ZNF165: variants seen among roughly 807,000 people sequenced by gnomAD.
ZNF165 encodes cancer/testis antigen 53.
A neutral mutation model predicts 19.6 loss-of-function variants in ZNF165; 14 were observed. That is an observed-to-expected ratio of 0.71 (90% CI 0.47 to 1.12). The LOEUF is 1.12. Ranked by LOEUF, ZNF165 falls within the 50% of genes most tolerant of loss-of-function variation. The pLI, the probability that ZNF165 is intolerant of heterozygous loss-of-function variation, is 0.00. For synonymous variants in ZNF165, 165 were observed against 195.0 expected, an observed-to-expected ratio of 0.85 and a Z score of 1.28; for missense variants, 504 against 566.3, an observed-to-expected ratio of 0.89 and a Z score of 1.12.
Position 28,086,227 on chromosome 6 carries a change from G to C in ZNF165, c.467G>C (p.Gly156Ala), listed in dbSNP as rs573432778. 6.2e-7 allele frequency: 1 copy of C among 1,614,126 alleles called. No individual in the cohort carries two copies. The highest frequency in any genetic ancestry group is 2.2e-5 in the East Asian group (1 of 44,868). ...TTCCAGAAAAAAGTGTCACCTCCTGGACCAGCACTTAATGTCAAGTTACAG... is the reference window on the plus strand; with the variant it reads ...TTCCAGAAAAAAGTGTCACCTCCTGCACCAGCACTTAATGTCAAGTTACAG... Reference protein sequence around the residue: ...EIFQKKVSPPGPALNVKLQPV... With the variant: ...EIFQKKVSPPAPALNVKLQPV... Residue 156 changes from glycine (G) to alanine (A), a missense_variant, in exon 3 of 4, where the codon GGA (glycine) becomes GCA (alanine). By Grantham distance (60) the Gly-to-Ala change is moderately conservative. Coordinates refer to ENST00000683778, the MANE Select transcript of ZNF165 (RefSeq NM_001376491.1).
rs980094910 is a variant in ZNF165, at chr6:28,085,743, T to A, written c.263T>A (p.Ile88Asn). The change falls in exon 2 of 4, where the codon ATT becomes AAT. Residue 88 changes from isoleucine (I) to asparagine (N), a missense_variant. Ile to Asn is a moderately radical substitution (Grantham distance 149). Transcript: ENST00000683778. ...LKPEIHTKEQ[I>N]LELLVLEQFL... is the part of the protein sequence containing the mutation. ...CCAGAGATCCATACCAAGGAACAGA[T>A]TCTGGAACTGCTGGTGCTAGAGCAG... 3.2e-5 allele frequency: 52 copies of A among 1,613,704 alleles called. No individual in the cohort carries two copies. Among genetic ancestry groups the A allele is most frequent in the Non-Finnish European group, 4.2e-5 (49 of 1,180,034 alleles).
chr6:28,089,535 T>C lies in ZNF165; in HGVS notation c.*65T>C. The C allele has an allele frequency of 3.5e-6, 5 of 1,422,452 alleles. No individual in the cohort carries two copies. The highest frequency in any genetic ancestry group is 4.6e-6 in the Non-Finnish European group (5 of 1,079,286). The allele number at this position is 1,422,452 out of a possible 1,614,324, so 88.1% of individuals were successfully genotyped here. ...AATATGAAAAATATTAAATAAAAAA[T>C]AAATATTGGGCAAGATGGAAGACTG... On this transcript the variant is annotated 3_prime_UTR_variant, in exon 4 of 4. Transcript: ENST00000683778.
chr6:28,082,416 C>A (rs1392865661), intron 1 of ZNF165, among the ~76,000 whole-genome samples: 2 of 152,166 alleles, frequency 1.3e-5, no homozygotes, highest in Non-Finnish European at 2.9e-5. Context: ...TCACAGCCTT[C>A]AGAGCTGAGA....
At chr6:28,081,708 A>T (rs533062847) in intron 1 of ZNF165, among the ~76,000 whole-genome samples, 4 of 151,550 alleles carry the variant, frequency 2.6e-5, no homozygotes, top group Non-Finnish European at 2.9e-5. Context: ...TTTAACCTCC[A>T]ACTTTCTCAT....
At position 28,085,650 on chromosome 6, in the gene ZNF165, A is replaced by G; in HGVS notation, c.170A>G (p.Tyr57Cys). ...LCRQLFRQFC[Y>C]QDSPGPREAL... is the part of the protein sequence containing the mutation. ...AGGCAGCTTTTTAGGCAGTTCTGCT[A>G]CCAGGATTCTCCTGGACCTCGCGAG... The change falls in exon 2 of 4, where the codon TAC becomes TGC. Residue 57 changes from tyrosine to cysteine, a missense_variant. Transcript: ENST00000683778. The G allele has an allele frequency of 2.5e-6, 4 of 1,614,210 alleles. No homozygotes were observed. In the South Asian group the frequency reaches 3.3e-5, roughly 13 times the overall value.
intron 1 of ZNF165, among the ~76,000 whole-genome samples, chr6:28,084,623 C>T (rs1764229105): frequency 6.6e-6 from 1 of 152,148 alleles, no homozygotes; most frequent in South Asian, 2.1e-4. Flanking sequence ...CGCGCCATTG[C>T]ACTCCAGCCT....
In ZNF165 at chr6:28,085,572, A is replaced by T; in HGVS notation, c.92A>T (p.His31Leu). Residue 31 changes from histidine to leucine, a missense_variant, in exon 2 of 4, where the codon CAT (histidine) becomes CTT (leucine). Physicochemically the swap from His to Leu is moderately conservative, Grantham distance 99. Transcript: ENST00000683778. ...IVKIEEEEFI[H>L]GQDTCLQRSE... ...AAGATAGAAGAGGAAGAATTTATCC[A>T]TGGGCAGGACACTTGCTTACAGAGA... 4 of 1,614,262 alleles carry T rather than the reference A, an allele frequency of 2.5e-6. No individual in the cohort carries two copies. Among genetic ancestry groups the T allele is most frequent in the Non-Finnish European group, 3.4e-6 (4 of 1,180,044 alleles).
At chr6:28,080,543 A>ATTTTTTTTTTTTTTTT (rs34237199), upstream of ZNF165, 1 of 111,894 alleles carries the variant, frequency 8.9e-6, no homozygotes, top group Non-Finnish European at 1.8e-5. Context: ...ACGCCCGGCA[A>ATTTTTTTTTTTTTTTT]TTTTTTTTTT....
chr6:28,084,108 A>C (rs1764216431), intron 1 of ZNF165, among the ~76,000 whole-genome samples: 1 of 152,182 alleles, frequency 6.6e-6, no homozygotes, highest in Non-Finnish European at 1.5e-5. Flanking sequence ...TTTTCCAGGC[A>C]TATACTATAC....
At chr6:28,083,933 G>A (rs1170038814) in intron 1 of ZNF165, among the ~76,000 whole-genome samples, 1 of 152,068 alleles carries the variant, frequency 6.6e-6, no homozygotes, top group Non-Finnish European at 1.5e-5. Flanking sequence ...CATGTGAAAC[G>A]TTTTCTCATT....
chr6:28,080,726 A>AGCAAGACACACTAC lies in ZNF165; in HGVS notation c.-245_-244insGCAAGACACACTAC, dbSNP rs1764131776. ...TTTCTTTTCAGGAGTCCCTTCTGTT[A>AGCAAGACACACTAC]TTTAGCAAGACACACTACTACAATG... On this transcript the variant is annotated 5_prime_UTR_variant, in exon 1 of 4. Coordinates refer to ENST00000683778, the MANE Select transcript of ZNF165 (RefSeq NM_001376491.1). The AGCAAGACACACTAC allele has an allele frequency of 6.6e-6, 1 of 151,946 alleles. No homozygotes were observed. Among genetic ancestry groups the AGCAAGACACACTAC allele is most frequent in the African/African-American group, 2.4e-5 (1 of 41,342 alleles). The allele number at this position is 151,946 out of a possible 1,614,324, so 9.4% of individuals were successfully genotyped here. A position where few individuals can be genotyped will look rare whatever the true frequency, so the allele number is the denominator to read the frequency against.
chr6:28,086,291 C>G lies in ZNF165; in HGVS notation c.531C>G (p.Pro177=). ...AGGCCCATTTTGATTCATCAGAACC[C>G]CAGCTCCTATGGGACTGTGGTGAGG... ...ETKAHFDSSE[P]QLLWDCDNES... is the part of the protein sequence containing the mutation. Residue 177 remains proline (P), a synonymous_variant, in exon 3 of 4, where the codon CCC becomes CCG. Coordinates refer to ENST00000683778, the MANE Select transcript of ZNF165 (RefSeq NM_001376491.1). 3 of 1,614,112 alleles carry G rather than the reference C, an allele frequency of 1.9e-6. No homozygotes were observed. The highest frequency in any genetic ancestry group is 1.7e-6 in the Non-Finnish European group (2 of 1,179,988).
intron 1 of ZNF165, among the ~76,000 whole-genome samples, chr6:28,082,464 C>A (rs887417685): frequency 6.6e-6 from 1 of 152,182 alleles, no homozygotes; most frequent in Non-Finnish European, 1.5e-5. Context: ...TTATTGACAG[C>A]AAGCCAGTGA....
In ZNF165 at chr6:28,089,013, A is replaced by G. The variant is rs765264735; in HGVS notation, c.1001A>G (p.His334Arg). The change falls in exon 4 of 4, where the codon CAT becomes CGT. Residue 334 changes from histidine to arginine, a missense_variant. Physicochemically the swap from His to Arg is conservative, Grantham distance 29. Coordinates refer to ENST00000683778, the MANE Select transcript of ZNF165 (RefSeq NM_001376491.1). ...TTCAAGAGCCCAAAACTTGCTAAAC[A>G]TGCAGCAGTTTTCAGTGGAGATAAA... ...KSFKSPKLAK[H>R]AAVFSGDKTH... The G allele has an allele frequency of 1.9e-6, 3 of 1,614,238 alleles. No homozygotes were observed.
chr6:28,081,992 A>G (rs560411125), intron 1 of ZNF165, among the ~76,000 whole-genome samples: 1 of 152,208 alleles, frequency 6.6e-6, no homozygotes, highest in Non-Finnish European at 1.5e-5. Flanking sequence ...GGCCTACTTT[A>G]CACCCATCTT....
Position 28,088,644 on chromosome 6 carries a change from G to T in ZNF165, c.632G>T (p.Arg211Ile). Residue 211 changes from arginine to isoleucine, a missense_variant, in exon 4 of 4, where the codon AGA becomes ATA. Transcript: ENST00000683778. ...KIESQRIISGRISGYISEASG... is the reference protein window; with the variant it reads ...KIESQRIISGIISGYISEASG... ...GAATCACAGAGAATTATATCTGGAAGAATCTCAGGATACATATCAGAAGCA... is the reference window on the plus strand; with the variant it reads ...GAATCACAGAGAATTATATCTGGAATAATCTCAGGATACATATCAGAAGCA... 3 of 1,613,952 alleles carry T rather than the reference G, an allele frequency of 1.9e-6. No homozygotes were observed. The highest frequency in any genetic ancestry group is 2.5e-6 in the Non-Finnish European group (3 of 1,179,988).
chr6:28,083,960 A>G (rs1418053440), intron 1 of ZNF165, among the ~76,000 whole-genome samples: 1 of 152,336 alleles, frequency 6.6e-6, no homozygotes, highest in East Asian at 1.9e-4. Flanking sequence ...TTTTGTATCC[A>G]TGTTTTATAA....
rs369120611 is a variant in ZNF165, at chr6:28,088,451, G to C, written c.551-112G>C. 134 of 853,568 alleles carry C rather than the reference G, an allele frequency of 1.6e-4. 2 individuals carry two copies. The South Asian group carries it at 2.2e-3, about 14-fold the overall frequency. 52.9% of individuals were successfully genotyped at this position (853,568 alleles called of 1,614,324 possible). A position where few individuals can be genotyped will look rare whatever the true frequency, so the allele number is the denominator to read the frequency against. On this transcript the variant is annotated intron_variant, in intron 3 of 3. Transcript: ENST00000683778. ...TTTCATTCTATCATTCCTCTCATGT[G>C]AAAGGTCATATATTAAAGTGGGCAT...
chr6:28,083,242 C>T (rs1764195500), intron 1 of ZNF165, among the ~76,000 whole-genome samples: 1 of 152,202 alleles, frequency 6.6e-6, no homozygotes, highest in African/African-American at 2.4e-5. Flanking sequence ...CCAATTTAAG[C>T]CCCATGTTAA....
Sources: allele counts gnomAD v4.1 joint callset (sites outside exome capture counted in the v4.1 genomes callset), GRCh38; gene constraint gnomAD v4.1.1; transcripts MANE v1.5; gene names NCBI Gene and HGNC (gene_info 2026-07-23, HGNC 2026-07-21).